The following HPSE2 variants were observed in gnomAD, a reference collection of about 807,000 sequenced individuals.
HPSE2 encodes the protein inactive heparanase-2.
A neutral mutation model predicts 60.5 loss-of-function variants in HPSE2; 38 were observed. The observed-to-expected ratio is 0.63, with a 90% confidence interval of 0.48 to 0.82. HPSE2 has a LOEUF of 0.82. Ranked by LOEUF, HPSE2 falls within the 40% of genes least tolerant of loss-of-function variation. The pLI, the probability that HPSE2 is intolerant of heterozygous loss-of-function variation, is 0.00. For missense variants in HPSE2, 713 were observed against 740.4 expected (o/e 0.96, Z 0.43); for synonymous variants, 295 against 293.2 (o/e 1.01, Z -0.06).
At chr10:98,698,309 T>C (rs1239959258) in intron 5 of HPSE2, among the ~76,000 whole-genome samples, 2 of 151,150 alleles carry the variant, frequency 1.3e-5, no homozygotes, top group African/African-American at 2.4e-5. Flanking sequence ...CACAGTGCAA[T>C]CAAACTAGAA....
chr10:98,982,530 T>C (rs1956231953), intron 3 of HPSE2, among the ~76,000 whole-genome samples: 1 of 152,186 alleles, frequency 6.6e-6, no homozygotes, highest in Non-Finnish European at 1.5e-5. Flanking sequence ...CTTCTTGATA[T>C]GAAGGAAGAA....
At chr10:99,305,959 ACACGCGCGCGCGCG>A in the HPSE2 span, among the ~76,000 whole-genome samples, 73 of 29,704 alleles carry the variant, frequency 2.5e-3, no homozygotes, top group African/African-American at 9.2e-3. Context: ...AAACTCACAC[ACACGCGCGCGCGCG>A]CGCGCGCACA....
At chr10:98,715,260 T>C (rs2134231378) in intron 5 of HPSE2, among the ~76,000 whole-genome samples, 1 of 152,056 alleles carries the variant, frequency 6.6e-6, no homozygotes, top group South Asian at 2.1e-4. Flanking sequence ...AATCACTCCT[T>C]AAACTTTATT....
At chr10:98,491,111 A>C (rs182029680) in intron 9 of HPSE2, among the ~76,000 whole-genome samples, 14 of 152,340 alleles carry the variant, frequency 9.2e-5, no homozygotes, top group African/African-American at 3.4e-4. Context: ...TCCTGAATTC[A>C]GTGAATATAC....
intron 3 of HPSE2, among the ~76,000 whole-genome samples, chr10:99,104,718 A>T (rs1397098374): frequency 6.6e-6 from 1 of 152,192 alleles, no homozygotes; most frequent in East Asian, 1.9e-4. Flanking sequence ...TACACCATGG[A>T]ATACTATGCA....
chr10:99,254,578 C>T, the HPSE2 span, among the ~76,000 whole-genome samples: 2 of 152,102 alleles, frequency 1.3e-5, no homozygotes, highest in African/African-American at 4.8e-5. Context: ...AAATGTTATT[C>T]ACCATTATTA....
chr10:99,291,372 T>G, the HPSE2 span, among the ~76,000 whole-genome samples: 1 of 152,134 alleles, frequency 6.6e-6, no homozygotes, highest in East Asian at 1.9e-4. Context: ...GATCACGAGG[T>G]TAAGAGATCA....
intron 9 of HPSE2, among the ~76,000 whole-genome samples, chr10:98,510,659 C>A (rs919553614): frequency 6.6e-6 from 1 of 152,202 alleles, no homozygotes; most frequent in African/African-American, 2.4e-5. Context: ...TAGGCTCTGA[C>A]CAACTCAGGC....
At chr10:99,211,289 C>A (rs1178878039) in intron 2 of HPSE2, among the ~76,000 whole-genome samples, 2 of 151,964 alleles carry the variant, frequency 1.3e-5, no homozygotes, top group Middle Eastern at 3.2e-3. Flanking sequence ...TCCATACTAT[C>A]CAAAGAGATT....
the HPSE2 span, among the ~76,000 whole-genome samples, chr10:99,307,336 T>C: frequency 6.6e-6 from 1 of 152,234 alleles, no homozygotes; most frequent in African/African-American, 2.4e-5. Flanking sequence ...CAGCATAAGC[T>C]ATAACACTAG....
In HPSE2 at chr10:98,543,891, C is replaced by A. The variant is rs543877607; in HGVS notation, c.1321-53695G>T. 9.5e-3 allele frequency among the ~76,000 whole-genome samples: 1,440 copies of A among 151,964 alleles called. 25 individuals are homozygous for A. The highest frequency in any genetic ancestry group is 0.034 in the African/African-American group (1,395 of 41,428). Reference sequence around the variant, plus strand: ...ACACAATAATAATGGGAGACTTTAACACCCCACTGTCAACATTAGACAGAT... The same window carrying A: ...ACACAATAATAATGGGAGACTTTAAAACCCCACTGTCAACATTAGACAGAT... On this transcript the variant is annotated intron_variant, in intron 9 of 11. Transcript: ENST00000370552.
At chr10:98,896,389 C>T (rs1953493574) in intron 3 of HPSE2, among the ~76,000 whole-genome samples, 1 of 152,016 alleles carries the variant, frequency 6.6e-6, no homozygotes. Flanking sequence ...GTGAATTTAC[C>T]AGAGATTCTA....
At chr10:98,873,189 C>G (rs1191519361) in intron 3 of HPSE2, among the ~76,000 whole-genome samples, 1 of 151,850 alleles carries the variant, frequency 6.6e-6, no homozygotes, top group African/African-American at 2.4e-5. Flanking sequence ...CACTTGAATC[C>G]CATAGAGGAA....
intron 3 of HPSE2, among the ~76,000 whole-genome samples, chr10:98,814,827 T>A (rs188378058): frequency 1.4e-4 from 22 of 152,354 alleles, no homozygotes; most frequent in Admixed American, 4.6e-4. Context: ...TCTTTGTCCC[T>A]TACTCTTCAT....
At chr10:98,708,299 A>G (rs1948597420) in intron 5 of HPSE2, among the ~76,000 whole-genome samples, 1 of 152,064 alleles carries the variant, frequency 6.6e-6, no homozygotes, top group Admixed American at 6.5e-5. Context: ...TACTAAAAAT[A>G]CAAAAAATTA....
At chr10:98,813,576 G>A (rs1404222908) in intron 3 of HPSE2, among the ~76,000 whole-genome samples, 1 of 152,152 alleles carries the variant, frequency 6.6e-6, no homozygotes, top group Non-Finnish European at 1.5e-5. Context: ...TGTTACTCAA[G>A]AGTAGAATGT....
intron 3 of HPSE2, among the ~76,000 whole-genome samples, chr10:98,922,770 TA>T (rs1376290617): frequency 6.6e-6 from 1 of 152,098 alleles, no homozygotes; most frequent in Admixed American, 6.6e-5. Flanking sequence ...AAAAGAAAAC[TA>T]AAAAAACTCC....
intron 3 of HPSE2, among the ~76,000 whole-genome samples, chr10:98,875,597 G>A (rs545552090): frequency 2.6e-5 from 4 of 151,662 alleles, no homozygotes; most frequent in South Asian, 2.1e-4. Flanking sequence ...TCTACCAGAG[G>A]TACAAAGAAT....
chr10:99,120,392 T>C (rs1415992384), intron 3 of HPSE2, among the ~76,000 whole-genome samples: 2 of 152,070 alleles, frequency 1.3e-5, no homozygotes, highest in Non-Finnish European at 2.9e-5. Flanking sequence ...AAGATACCAT[T>C]TCAAAGATAA....
Sources: allele counts gnomAD v4.1 joint callset (sites outside exome capture counted in the v4.1 genomes callset), GRCh38; gene constraint gnomAD v4.1.1; transcripts MANE v1.5; gene names NCBI Gene and HGNC (gene_info 2026-07-23, HGNC 2026-07-21).